Variants in ARHGEF7 observed in about 807,000 individuals in gnomAD.
The protein encoded by ARHGEF7 is Rho guanine nucleotide exchange factor 7.
ARHGEF7 carries 33 observed loss-of-function variants against 109.8 expected under a neutral mutation model. The ratio of observed to expected loss-of-function variants is 0.30; its 90% CI spans 0.23 to 0.40. ARHGEF7 has a LOEUF of 0.40. ARHGEF7 is among the 10% of genes least tolerant of loss of function. ARHGEF7 has a pLI of 1.00. For missense variants in ARHGEF7, 938 were observed against 1,098.5 expected (o/e 0.85, Z 2.07); for synonymous variants, 458 against 424.6 (o/e 1.08, Z -0.97).
intron 16 of ARHGEF7, 55 bp downstream of exon 16, chr13:111,283,418 C>G: frequency 4.6e-6 from 7 of 1,522,220 alleles, no homozygotes; most frequent in Non-Finnish European, 6.1e-6. Context: ...GCCTCGGGCC[C>G]TGGGTGTGCC....
Position 111,115,375 on chromosome 13 carries a change from C to A in ARHGEF7, c.-152C>A. On this transcript the variant is annotated 5_prime_UTR_variant, in exon 1 of 22. Coordinates refer to ENST00000646102, the MANE Select transcript of ARHGEF7 (RefSeq NM_001354046.2). ...GGCCGGGGCGCACGGAGAAGCGGGC[C>A]GGGCCGGACCTGCTGGGCCGCGCCG... 2 of 378,042 alleles carry A rather than the reference C, an allele frequency of 5.3e-6. No individual in the cohort carries two copies. The highest frequency in any genetic ancestry group is 2.2e-5 in the African/African-American group (1 of 45,004). 23.4% of individuals were successfully genotyped at this position (378,042 alleles called of 1,614,324 possible). A position where few individuals can be genotyped will look rare whatever the true frequency, so the allele number is the denominator to read the frequency against.
At chr13:111,203,908 A>G (rs1330295625) in intron 2 of ARHGEF7, among the ~76,000 whole-genome samples, 1 of 152,144 alleles carries the variant, frequency 6.6e-6, no homozygotes, top group East Asian at 1.9e-4. Context: ...GGCTGGTTGG[A>G]TGCTGGTGCA....
intron 2 of ARHGEF7, among the ~76,000 whole-genome samples, chr13:111,199,693 G>A (rs1594627448): frequency 6.6e-6 from 1 of 152,216 alleles, no homozygotes; most frequent in Non-Finnish European, 1.5e-5. Flanking sequence ...TTCCTTTGGA[G>A]GCATGGCAAA....
intron 15 of ARHGEF7, among the ~76,000 whole-genome samples, chr13:111,282,423 C>T (rs1349299761): frequency 6.6e-6 from 1 of 152,208 alleles, no homozygotes; most frequent in Non-Finnish European, 1.5e-5. Flanking sequence ...ATATAAAATG[C>T]ATTAATGGCA....
chr13:111,168,750 A>G (rs998940785), intron 2 of ARHGEF7, among the ~76,000 whole-genome samples: 3 of 152,210 alleles, frequency 2.0e-5, no homozygotes, highest in Non-Finnish European at 4.4e-5. Flanking sequence ...AGGAAATATT[A>G]AAGATGTAAA....
intron 2 of ARHGEF7, among the ~76,000 whole-genome samples, chr13:111,172,348 G>A (rs1342490434): frequency 6.6e-6 from 1 of 152,106 alleles, no homozygotes; most frequent in African/African-American, 2.4e-5. Context: ...CTGAATCAGT[G>A]CTCTAGGGGC....
chr13:111,238,634 G>A (rs1202020759), intron 6 of ARHGEF7, among the ~76,000 whole-genome samples: 8 of 152,246 alleles, frequency 5.3e-5, no homozygotes, highest in Non-Finnish European at 2.9e-5. Context: ...AAGCACACTC[G>A]TTGCCCCCAT....
chr13:111,143,860 A>T (rs1566621464), intron 1 of ARHGEF7: 1 of 152,360 alleles, frequency 6.6e-6, no homozygotes, highest in East Asian at 1.9e-4. Context: ...CAATTAAGAT[A>T]CAACTGCTAC....
rs537854531 is a variant in ARHGEF7 at position 111,191,759 on chromosome 13, A to AAAT, written c.253-13528_253-13526dup. Among the ~76,000 whole-genome samples, 866 of 152,268 alleles carry AAAT rather than the reference A, an allele frequency of 5.7e-3. 6 individuals carry two copies. Among genetic ancestry groups the AAAT allele is most frequent in the Admixed American group, 0.01 (153 of 15,296 alleles). Reference sequence around the variant, plus strand: ...CAGGAGGGATAGATAGTCAAAGAGTAAATAGGAAGGTAAAGAGGGTGCTCT... The same window carrying AAAT: ...CAGGAGGGATAGATAGTCAAAGAGTAAATAATAGGAAGGTAAAGAGGGTGCTCT... On this transcript the variant is annotated intron_variant, in intron 2 of 21. Coordinates refer to ENST00000646102, the MANE Select transcript of ARHGEF7 (RefSeq NM_001354046.2).
intron 8 of ARHGEF7, among the ~76,000 whole-genome samples, chr13:111,246,671 G>C (rs2088903596): frequency 6.6e-6 from 1 of 152,122 alleles, no homozygotes; most frequent in South Asian, 2.1e-4. Flanking sequence ...TTACTTACAT[G>C]ACCATGAAAG....
intron 2 of ARHGEF7, among the ~76,000 whole-genome samples, chr13:111,195,164 G>T (rs2080344093): frequency 6.6e-6 from 1 of 152,162 alleles, no homozygotes; most frequent in South Asian, 2.1e-4. Flanking sequence ...AAAGTGGTGG[G>T]ATCTTTTAGC....
chr13:111,241,977 G>C (rs746189531), intron 6 of ARHGEF7, among the ~76,000 whole-genome samples: 20 of 152,212 alleles, frequency 1.3e-4, no homozygotes, highest in Non-Finnish European at 2.8e-4. Flanking sequence ...CTGGTTTCGA[G>C]TAGCGTCTCT....
intron 9 of ARHGEF7, among the ~76,000 whole-genome samples, chr13:111,269,392 G>C (rs2091949930): frequency 6.6e-6 from 1 of 152,238 alleles, no homozygotes; most frequent in African/African-American, 2.4e-5. Context: ...CACTAGGACT[G>C]TTAGTTTCCT....
chr13:111,276,378 T>G lies in ARHGEF7; in HGVS notation c.1419+700T>G, dbSNP rs182317612. Among the ~76,000 whole-genome samples the G allele has an allele frequency of 7.2e-5, 11 of 152,336 alleles. No homozygotes were observed. The East Asian group carries it at 2.1e-3, about 29-fold the overall frequency. On this transcript the variant is annotated intron_variant, in intron 12 of 21. Transcript: ENST00000646102. ...TAAAACTTCAAACTTATATAGTGTG[T>G]TTTCCTTTCCACCTGTAAAATATCA...
chr13:111,212,783 C>T (rs1002590823), intron 4 of ARHGEF7, among the ~76,000 whole-genome samples: 3 of 152,144 alleles, frequency 2.0e-5, no homozygotes, highest in African/African-American at 7.2e-5. Context: ...TTTGTCAATT[C>T]AAAGACTTCT....
At chr13:111,170,444 G>T (rs2077496966) in intron 2 of ARHGEF7, among the ~76,000 whole-genome samples, 1 of 152,210 alleles carries the variant, frequency 6.6e-6, no homozygotes, top group African/African-American at 2.4e-5. Flanking sequence ...CGTCAGAATT[G>T]CTCTTCTGTT....
At chr13:111,147,385 T>C (rs149406542) in intron 1 of ARHGEF7, among the ~76,000 whole-genome samples, 1 of 152,246 alleles carries the variant, frequency 6.6e-6, no homozygotes, top group East Asian at 1.9e-4. Context: ...TGATCCATTC[T>C]GGTGGGGTGC....
intron 18 of ARHGEF7, among the ~76,000 whole-genome samples, chr13:111,289,243 A>C (rs755858764): frequency 9.9e-5 from 15 of 152,214 alleles, no homozygotes; most frequent in Non-Finnish European, 2.1e-4. Flanking sequence ...CCTTTGGGCC[A>C]GGCTGGTCTT....
chr13:111,115,320 G>C lies in ARHGEF7; in HGVS notation c.-207G>C, dbSNP rs1035763197. Reference sequence around the variant, plus strand: ...CGGCGGCGGGCGCCCGCAGGTTCCCGAGCCGCTCCTGAGAAGGCGCCTGAC... The same window carrying C: ...CGGCGGCGGGCGCCCGCAGGTTCCCCAGCCGCTCCTGAGAAGGCGCCTGAC... On this transcript the variant is annotated 5_prime_UTR_variant, in exon 1 of 22. Coordinates refer to ENST00000646102, the MANE Select transcript of ARHGEF7 (RefSeq NM_001354046.2). 5.5e-6 allele frequency: 1 copy of C among 182,564 alleles called. No homozygotes were observed. Among genetic ancestry groups the C allele is most frequent in the Non-Finnish European group, 1.0e-5 (1 of 98,790 alleles). The allele number at this position is 182,564 out of a possible 1,614,324, so 11.3% of individuals were successfully genotyped here.
Sources: allele counts gnomAD v4.1 joint callset (sites outside exome capture counted in the v4.1 genomes callset), GRCh38; gene constraint gnomAD v4.1.1; transcripts MANE v1.5; gene names NCBI Gene and HGNC (gene_info 2026-07-23, HGNC 2026-07-21).